PSMA5: variants seen among roughly 807,000 people sequenced by gnomAD.
PSMA5 encodes the protein proteasome 20S subunit alpha 5, also known as proteasome subunit alpha type-5.
In PSMA5, 3 loss-of-function variants were observed where a neutral mutation model predicts 34.5. That is an observed-to-expected ratio of 0.09 (90% confidence interval 0.04 to 0.22). The LOEUF is 0.22. Among genes scored for constraint, PSMA5 ranks in the 10% least tolerant of loss-of-function variants. The pLI is 1.00. For synonymous variants in PSMA5, 88 were observed against 95.8 expected, an observed-to-expected ratio of 0.92 and a Z score of 0.47; for missense variants, 120 against 286.1, an observed-to-expected ratio of 0.42 and a Z score of 4.19.
intron 2 of PSMA5, among the ~76,000 whole-genome samples, chr1:109,418,280 T>G (rs1321167583): frequency 1.3e-5 from 2 of 152,052 alleles, no homozygotes; most frequent in African/African-American, 2.4e-5. Flanking sequence ...GACCTGCAGT[T>G]TGAAAAACAT....
At chr1:109,419,264 TA>T (rs1557844464) in intron 2 of PSMA5, among the ~76,000 whole-genome samples, 1 of 152,118 alleles carries the variant, frequency 6.6e-6, no homozygotes, top group Non-Finnish European at 1.5e-5. Flanking sequence ...AAGAGGGAGT[TA>T]AAGGGAATGC....
intron 7 of PSMA5, 47 bp downstream of exon 7, chr1:109,410,964 T>C (rs1653962903): frequency 7.3e-7 from 1 of 1,378,196 alleles, no homozygotes; most frequent in Non-Finnish European, 1.0e-6. Flanking sequence ...ATATGTAAAT[T>C]ATACCATGAT....
intron 7 of PSMA5, 23 bp downstream of exon 7, chr1:109,410,988 G>C: frequency 6.6e-7 from 1 of 1,512,518 alleles, no homozygotes; most frequent in South Asian, 1.1e-5. Context: ...AAAATAGTAA[G>C]AGTTGTGAGA....
rs1230911087 is a variant in PSMA5 at position 109,401,029 on chromosome 1, ATC to A, written c.*982_*983del. ...ATGGGCACACAGCATTAGATTCTTCATCTGTTAAGTAGTGATACTGATACCAT... is the reference window on the plus strand; with the variant it reads ...ATGGGCACACAGCATTAGATTCTTCATGTTAAGTAGTGATACTGATACCAT... On this transcript the variant is annotated 3_prime_UTR_variant, in exon 9 of 9. Coordinates refer to ENST00000271308, the MANE Select transcript of PSMA5 (RefSeq NM_002790.4). 2 of 152,154 alleles carry A rather than the reference ATC, an allele frequency of 1.3e-5. No homozygotes were observed. The highest frequency in any genetic ancestry group is 2.9e-5 in the Non-Finnish European group (2 of 68,030). The allele number at this position is 152,154 out of a possible 1,614,324, so 9.4% of individuals were successfully genotyped here. A position where few individuals can be genotyped will look rare whatever the true frequency, so the allele number is the denominator to read the frequency against.
At chr1:109,411,135 G>A in intron 6 of PSMA5, 22 bp from the exon 7 acceptor site, 1 of 1,573,392 alleles carries the variant, frequency 6.4e-7, no homozygotes, top group Non-Finnish European at 8.7e-7. Flanking sequence ...CCAAAATGAG[G>A]ACTAAAATGC....
chr1:109,423,711 T>TAA (rs749269205), intron 1 of PSMA5, among the ~76,000 whole-genome samples: 26 of 152,182 alleles, frequency 1.7e-4, no homozygotes, highest in Non-Finnish European at 1.8e-4. Flanking sequence ...CATATCCAAC[T>TAA]ATATGCTAAG....
chr1:109,424,878 T>G (rs1654588886), intron 1 of PSMA5, among the ~76,000 whole-genome samples: 1 of 152,156 alleles, frequency 6.6e-6, no homozygotes, highest in Non-Finnish European at 1.5e-5. Context: ...TCCCAGCTAC[T>G]CGGGAGGCTG....
intron 4 of PSMA5, 81 bp downstream of exon 4, chr1:109,412,987 G>A (rs1654057856): frequency 3.3e-6 from 4 of 1,205,070 alleles, no homozygotes; most frequent in Non-Finnish European, 4.9e-6. Context: ...ACAGGTACCT[G>A]CAGTATAGCC....
intron 3 of PSMA5, 88 bp downstream of exon 3, chr1:109,415,149 G>C (rs963726498): frequency 7.0e-7 from 1 of 1,428,610 alleles, no homozygotes. Context: ...GGGATAACGT[G>C]TTCATTTCAT....
chr1:109,424,213 C>T (rs963237981), intron 1 of PSMA5, among the ~76,000 whole-genome samples: 2 of 152,152 alleles, frequency 1.3e-5, no homozygotes, highest in Non-Finnish European at 2.9e-5. Context: ...AATCCCTCAT[C>T]AAAACTTCCA....
chr1:109,426,123 G>A, intron 1 of PSMA5, 179 bp downstream of exon 1: 1 of 755,190 alleles, frequency 1.3e-6, no homozygotes, highest in South Asian at 1.7e-5. Flanking sequence ...GACAAGTGCC[G>A]CCGATGTGGT....
At chr1:109,406,478 G>A (rs533807391) in intron 8 of PSMA5, among the ~76,000 whole-genome samples, 1 of 152,136 alleles carries the variant, frequency 6.6e-6, no homozygotes, top group Non-Finnish European at 1.5e-5. Context: ...CAGGAGAACT[G>A]CCTGAGGCCA....
At position 109,426,416 on chromosome 1, in the gene PSMA5, T is replaced by C. The variant is rs1654669815; in HGVS notation, c.-86A>G. 9 of 1,543,390 alleles carry C rather than the reference T, an allele frequency of 5.8e-6. No individual in the cohort carries two copies. In the Middle Eastern group the frequency reaches 5.1e-4, roughly 87 times the overall value. ...GGCACCCAACTCACCGGCAGCCAACTCACCCACACGGCCGCAGTACTAAGG... is the reference window on the plus strand; with the variant it reads ...GGCACCCAACTCACCGGCAGCCAACCCACCCACACGGCCGCAGTACTAAGG... On this transcript the variant is annotated 5_prime_UTR_variant, in exon 1 of 9. Transcript: ENST00000271308.
intron 2 of PSMA5, among the ~76,000 whole-genome samples, chr1:109,416,201 C>A (rs1004272494): frequency 6.6e-5 from 10 of 152,184 alleles, no homozygotes; most frequent in Non-Finnish European, 1.2e-4. Flanking sequence ...CAATGTATCT[C>A]TAATGTTATA....
Position 109,412,203 on chromosome 1 carries a change from A to G in PSMA5, c.292-19T>C. ...AGTGGTTCTAGAAGAAGAGCAAAGC[A>G]TGGTACAACCTTCTAATAAGGACAT... On this transcript the variant is annotated intron_variant, in intron 4 of 8. Coordinates refer to ENST00000271308, the MANE Select transcript of PSMA5 (RefSeq NM_002790.4). 1 of 1,587,184 alleles carries G rather than the reference A, an allele frequency of 6.3e-7. No individual in the cohort carries two copies. The highest frequency in any genetic ancestry group is 8.7e-7 in the Non-Finnish European group (1 of 1,155,524).
chr1:109,408,911 G>A (rs149775890), intron 8 of PSMA5, among the ~76,000 whole-genome samples: 1 of 151,920 alleles, frequency 6.6e-6, no homozygotes, highest in African/African-American at 2.4e-5. Flanking sequence ...GGCTGGTCTT[G>A]AACTCCTGCC....
rs962387597 is a variant in PSMA5 at position 109,399,142 on chromosome 1, C to A, written c.*2871G>T. ...TACAATGCACCCAACCCGATATTTA[C>A]ATTAAAATATTTCCAGTCACATTAA... is the stretch of plus-strand genomic sequence containing the variant. On this transcript the variant is annotated 3_prime_UTR_variant, in exon 9 of 9. Coordinates refer to ENST00000271308, the MANE Select transcript of PSMA5 (RefSeq NM_002790.4). The A allele has an allele frequency of 3.3e-5, 5 of 152,208 alleles. No homozygotes were observed. The highest frequency in any genetic ancestry group is 1.2e-4 in the African/African-American group (5 of 41,448). The allele number at this position is 152,208 out of a possible 1,614,324, so 9.4% of individuals were successfully genotyped here.
intron 8 of PSMA5, among the ~76,000 whole-genome samples, chr1:109,403,892 C>T (rs1019633151): frequency 6.6e-6 from 1 of 152,094 alleles, no homozygotes. Context: ...TCTAGATTCT[C>T]CTAAAAGATA....
In PSMA5 at chr1:109,400,432, G is replaced by A. The variant is rs1653466090; in HGVS notation, c.*1581C>T. 1 of 152,238 alleles carries A rather than the reference G, an allele frequency of 6.6e-6. No individual in the cohort carries two copies. The highest frequency in any genetic ancestry group is 2.1e-4 in the South Asian group (1 of 4,836). The allele number at this position is 152,238 out of a possible 1,614,324, so 9.4% of individuals were successfully genotyped here. On this transcript the variant is annotated 3_prime_UTR_variant, in exon 9 of 9. Transcript: ENST00000271308. Reference sequence around the variant, plus strand: ...TAATACATTTCTTGGCATATAGTAGGTAGGTGCTCAATAAATTTGTTACAG... The same window carrying A: ...TAATACATTTCTTGGCATATAGTAGATAGGTGCTCAATAAATTTGTTACAG...
Sources: gnomAD v4.1 joint callset for allele counts (sites outside exome capture counted in the v4.1 genomes callset) on GRCh38, gnomAD v4.1.1 for gene constraint, MANE v1.5 for transcripts, NCBI Gene and HGNC (gene_info 2026-07-23, HGNC 2026-07-21) for gene names.